Variants in GRID2 observed in about 807,000 individuals in gnomAD.
GRID2 encodes the protein glutamate receptor ionotropic, delta-2.
GRID2 carries 33 observed loss-of-function variants against 114.8 expected under a neutral mutation model. That is an observed-to-expected ratio of 0.29 (90% CI 0.22 to 0.38). The LOEUF (loss-of-function observed/expected upper bound fraction) is 0.38, where lower values mean the gene tolerates loss of function less well. Among genes scored for constraint, GRID2 ranks in the 10% least tolerant of loss-of-function variants. GRID2 has a pLI of 1.00. For synonymous variants in GRID2, 505 were observed against 449.9 expected (o/e 1.12, Z -1.55); for missense variants, 1,184 against 1,257.7 (o/e 0.94, Z 0.89).
intron 1 of GRID2, among the ~76,000 whole-genome samples, chr4:92,455,686 C>G (rs542355224): frequency 6.6e-6 from 1 of 151,986 alleles, no homozygotes; most frequent in African/African-American, 2.4e-5. Context: ...AAAGCAGTAC[C>G]GGAGTGGTGG....
At chr4:93,035,193 C>T (rs1346235332) in intron 2 of GRID2, among the ~76,000 whole-genome samples, 2 of 151,750 alleles carry the variant, frequency 1.3e-5, no homozygotes, top group South Asian at 2.1e-4. Context: ...GCAACCTCCG[C>T]CTCCTGGGTT....
intron 8 of GRID2, among the ~76,000 whole-genome samples, chr4:93,295,977 ATTTG>A: frequency 6.6e-6 from 1 of 152,314 alleles, no homozygotes; most frequent in South Asian, 2.1e-4. Context: ...ATAGAGCTGT[ATTTG>A]TTTCCTATGG....
At chr4:92,444,331 G>A (rs533250073) in intron 1 of GRID2, among the ~76,000 whole-genome samples, 2 of 151,948 alleles carry the variant, frequency 1.3e-5, no homozygotes, top group African/African-American at 2.4e-5. Context: ...GGGTGGGGCC[G>A]TTTTATAGGA....
chr4:93,783,873 C>G (rs372228979), intron 1 of GRID2, among the ~76,000 whole-genome samples: 7 of 151,534 alleles, frequency 4.6e-5, no homozygotes, highest in African/African-American at 1.7e-4. Flanking sequence ...GAGATCGAGA[C>G]CATCCCGGCT....
intron 1 of GRID2, among the ~76,000 whole-genome samples, chr4:92,337,682 C>T (rs1158816686): frequency 6.6e-6 from 1 of 152,128 alleles, no homozygotes; most frequent in Non-Finnish European, 1.5e-5. Context: ...AGAAGAACTG[C>T]TTGGGAGCAA....
At chr4:92,696,314 G>A (rs1734423557) in intron 2 of GRID2, among the ~76,000 whole-genome samples, 1 of 152,122 alleles carries the variant, frequency 6.6e-6, no homozygotes, top group Middle Eastern at 3.4e-3. Context: ...TTTTAAATAA[G>A]CATAAATCAG....
At chr4:92,439,004 A>G (rs1284487336) in intron 1 of GRID2, among the ~76,000 whole-genome samples, 1 of 152,144 alleles carries the variant, frequency 6.6e-6, no homozygotes, top group Non-Finnish European at 1.5e-5. Flanking sequence ...TGTGAGCAAC[A>G]TGGCTGTTTA....
rs202045442 is a variant in GRID2 at position 93,747,983 on chromosome 4, G to C, written c.2361-21227G>C. On this transcript the variant is annotated intron_variant, in intron 14 of 15. Coordinates refer to ENST00000282020, the MANE Select transcript of GRID2 (RefSeq NM_001510.4). ...CTACTCAAAAAAAGAAGACTATTTG[G>C]TTATATTGGTTTCTAGATTAATAAA... Among the ~76,000 whole-genome samples, 12 of 152,090 alleles carry C rather than the reference G, an allele frequency of 7.9e-5. No homozygotes were observed. In the East Asian group the frequency reaches 2.3e-3, roughly 29 times the overall value.
At chr4:93,128,048 A>AAAAAAAAAAAAAAAAAAAAAAAAAAAAAT (rs1734451622) in intron 4 of GRID2, among the ~76,000 whole-genome samples, 1 of 144,566 alleles carries the variant, frequency 6.9e-6, no homozygotes, top group Admixed American at 6.9e-5. Context: ...AAAAAAAAAA[A>AAAAAAAAAAAAAAAAAAAAAAAAAAAAAT]AAAAAAAAAA....
chr4:92,796,996 A>G (rs991818832), intron 2 of GRID2, among the ~76,000 whole-genome samples: 1 of 151,956 alleles, frequency 6.6e-6, no homozygotes, highest in Non-Finnish European at 1.5e-5. Context: ...GGACAGCTTC[A>G]TTAATTTTCA....
chr4:93,424,043 A>G (rs1251103670), intron 10 of GRID2, among the ~76,000 whole-genome samples: 1 of 152,030 alleles, frequency 6.6e-6, no homozygotes, highest in East Asian at 1.9e-4. Flanking sequence ...ACTACATTCT[A>G]TCTTAAGTTA....
At chr4:93,444,932 TA>T (rs1397945754) in intron 10 of GRID2, among the ~76,000 whole-genome samples, 2 of 152,156 alleles carry the variant, frequency 1.3e-5, no homozygotes, top group Non-Finnish European at 2.9e-5. Flanking sequence ...TCATTGTTTA[TA>T]AATATCTGTT....
intron 2 of GRID2, among the ~76,000 whole-genome samples, chr4:93,056,147 T>G (rs1167021862): frequency 6.6e-6 from 1 of 151,992 alleles, no homozygotes; most frequent in Non-Finnish European, 1.5e-5. Flanking sequence ...TTATGCAAAC[T>G]GAGTATATCA....
chr4:92,386,827 C>T lies in GRID2; in HGVS notation c.88+82083C>T, dbSNP rs190633667. On this transcript the variant is annotated intron_variant, in intron 1 of 15. Coordinates refer to ENST00000282020, the MANE Select transcript of GRID2 (RefSeq NM_001510.4). ...CTAGGGACAAGAGAAGAAAAACAGG[C>T]AATGCTATGGAGGATTAGAAAGCTG... Among the ~76,000 whole-genome samples the T allele has an allele frequency of 3.3e-5, 5 of 151,820 alleles. No individual in the cohort carries two copies. In the East Asian group the frequency reaches 7.7e-4, roughly 23 times the overall value.
chr4:93,571,416 C>A (rs1466660153), intron 13 of GRID2, among the ~76,000 whole-genome samples: 1 of 152,066 alleles, frequency 6.6e-6, no homozygotes, highest in Admixed American at 6.6e-5. Context: ...TCTAACATAT[C>A]TGTAGAGACA....
chr4:92,703,617 TTATATATATA>T lies in GRID2; in HGVS notation c.244+113350_244+113359del, dbSNP rs3971001. Among the ~76,000 whole-genome samples the T allele has an allele frequency of 3.1e-3, 437 of 140,988 alleles. 3 individuals carry two copies. The highest frequency in any genetic ancestry group is 4.3e-3 in the Non-Finnish European group (280 of 65,116). The allele number at this position is 140,988 out of a possible 152,430, so 92.5% of individuals were successfully genotyped here. A position where few individuals can be genotyped will look rare whatever the true frequency, so the allele number is the denominator to read the frequency against. ...TTCATTAATAAAATGAGGAAAAACA[TTATATATATA>T]TATATATATATATATATAAAATCAT... On this transcript the variant is annotated intron_variant, in intron 2 of 15. Coordinates refer to ENST00000282020, the MANE Select transcript of GRID2 (RefSeq NM_001510.4).
chr4:93,505,803 T>C (rs1728573263), intron 12 of GRID2, among the ~76,000 whole-genome samples: 1 of 151,850 alleles, frequency 6.6e-6, no homozygotes, highest in African/African-American at 2.4e-5. Flanking sequence ...CTGTCAGAGT[T>C]TTGAGGTTTG....
chr4:92,846,217 T>C (rs1578294072), intron 2 of GRID2, among the ~76,000 whole-genome samples: 1 of 152,122 alleles, frequency 6.6e-6, no homozygotes, highest in Non-Finnish European at 1.5e-5. Context: ...GTTTGTTACA[T>C]GGTATATCGT....
At chr4:93,562,243 A>T (rs4423845) in intron 13 of GRID2, among the ~76,000 whole-genome samples, 1 of 151,546 alleles carries the variant, frequency 6.6e-6, no homozygotes, top group Non-Finnish European at 1.5e-5. Context: ...GTGATAGCTC[A>T]TTATTGTTTT....
Sources: allele counts gnomAD v4.1 joint callset (sites outside exome capture counted in the v4.1 genomes callset), GRCh38; gene constraint gnomAD v4.1.1; transcripts MANE v1.5; gene names NCBI Gene and HGNC (gene_info 2026-07-23, HGNC 2026-07-21).